Variants in MTMR10 observed in about 807,000 individuals in gnomAD.
MTMR10 encodes the protein myotubularin-related protein 10.
In MTMR10, 56 loss-of-function variants were observed where a neutral mutation model predicts 88.1. The observed-to-expected ratio is 0.64, with a 90% CI of 0.51 to 0.79. MTMR10 has a LOEUF of 0.79. Ranked by LOEUF, MTMR10 falls within the 30% of genes least tolerant of loss-of-function variation. MTMR10 has a pLI of 0.00. For missense variants in MTMR10, 883 were observed against 924.7 expected (o/e 0.95, Z 0.58); for synonymous variants, 380 against 340.9 (o/e 1.11, Z -1.26).
chr15:30,946,871 G>A (rs2063178911), intron 14 of MTMR10: 1 of 618,592 alleles, frequency 1.6e-6, no homozygotes, highest in Non-Finnish European at 2.9e-6. Context: ...GACATTTAAG[G>A]TGGTTAAAGT....
Position 30,941,222 on chromosome 15 carries a change from G to A in MTMR10, c.*248C>T, listed in dbSNP as rs772107849. 10 of 1,402,252 alleles carry A rather than the reference G, an allele frequency of 7.1e-6. No individual in the cohort carries two copies. The highest frequency in any genetic ancestry group is 5.7e-5 in the African/African-American group (4 of 69,880). The allele number at this position is 1,402,252 out of a possible 1,614,324, so 86.9% of individuals were successfully genotyped here. ...GAGACAAAAATGTAGCAGACAACAT[G>A]AACAGTTTGATCACGGTTACAAGAG... On this transcript the variant is annotated 3_prime_UTR_variant, in exon 16 of 16. Transcript: ENST00000435680.
intron 14 of MTMR10, among the ~76,000 whole-genome samples, chr15:30,945,817 C>A (rs571395919): frequency 6.6e-6 from 1 of 152,188 alleles, no homozygotes; most frequent in African/African-American, 2.4e-5. Flanking sequence ...GGGACAGACT[C>A]TGGCTCTATC....
the MTMR10 span, among the ~76,000 whole-genome samples, chr15:30,920,054 T>C: frequency 4.8e-3 from 731 of 152,370 alleles, 7 homozygotes; most frequent in African/African-American, 0.017. Flanking sequence ...ATATGGTTTC[T>C]GTGGCACCAA....
rs778253900 is a variant in MTMR10, at chr15:30,942,038, G to A, written c.1766C>T (p.Ser589Phe). Residue 589 changes from serine to phenylalanine, a missense_variant, in exon 16 of 16, where the codon TCT (serine) becomes TTT (phenylalanine). Transcript: ENST00000435680. ...SYSSTLRGMP[S>F]ALKNGIISDQ... The stretch of plus-strand genomic sequence containing the variant: ...ACTGATGATTCCATTCTTTAAGGCA[G>A]ACGGCATTCCTCTTAGTGTGGAGCT... 9 of 1,613,884 alleles carry A rather than the reference G, an allele frequency of 5.6e-6. No individual in the cohort carries two copies. In the Admixed American group the frequency reaches 1.5e-4, roughly 27 times the overall value.
chr15:30,945,009 TA>T lies in MTMR10; in HGVS notation c.1549-1938del, dbSNP rs77847532. 5.1e-3 allele frequency among the ~76,000 whole-genome samples: 705 copies of T among 137,152 alleles called. 1 individual carries two copies. Among genetic ancestry groups the T allele is most frequent in the East Asian group, 0.021 (99 of 4,810 alleles). 90.0% of individuals were successfully genotyped at this position (137,152 alleles called of 152,430 possible). On this transcript the variant is annotated intron_variant, in intron 14 of 15. Coordinates refer to ENST00000435680, the MANE Select transcript of MTMR10 (RefSeq NM_017762.3). ...CCTGGGTGACAGAGCCAAACTGTCT[TA>T]AAAAAAAAAAAAAAGATGTTCTCTT...
intron 3 of MTMR10, among the ~76,000 whole-genome samples, chr15:30,975,210 G>A (rs1254489846): frequency 3.9e-5 from 6 of 152,132 alleles, no homozygotes; most frequent in Non-Finnish European, 5.9e-5. Context: ...ACCTAAGATA[G>A]GGAATATCAT....
At chr15:30,990,587 C>T (rs990976880) in intron 2 of MTMR10, among the ~76,000 whole-genome samples, 190 bp downstream of exon 2, 1 of 152,108 alleles carries the variant, frequency 6.6e-6, no homozygotes. Context: ...AAAAGAAATT[C>T]GGGAGACAAA....
the MTMR10 span, among the ~76,000 whole-genome samples, chr15:30,929,947 A>G: frequency 8.2e-6 from 1 of 122,544 alleles, no homozygotes; most frequent in Non-Finnish European, 1.6e-5. Context: ...AATATATAAT[A>G]TAATATATAT....
chr15:30,927,707 G>A, the MTMR10 span: 23 of 985,510 alleles, frequency 2.3e-5, no homozygotes, highest in Non-Finnish European at 2.8e-5. Context: ...CAGTGGTCTT[G>A]TGGGGAGAGG....
chr15:30,983,196 T>C (rs1332170902), intron 2 of MTMR10, among the ~76,000 whole-genome samples: 1 of 152,114 alleles, frequency 6.6e-6, no homozygotes, highest in East Asian at 1.9e-4. Flanking sequence ...GGTGGGACCA[T>C]TTACAGCACC....
At chr15:30,927,567 G>A in the MTMR10 span, 2 of 985,532 alleles carry the variant, frequency 2.0e-6, no homozygotes, top group Non-Finnish European at 2.4e-6. Flanking sequence ...CAGCACCCCT[G>A]ATCCCACTCA....
rs1334692452 is a variant in MTMR10, at chr15:30,940,136, ACAGT to A, written c.*1330_*1333del. 16 of 985,346 alleles carry A rather than the reference ACAGT, an allele frequency of 1.6e-5. No homozygotes were observed. The highest frequency in any genetic ancestry group is 3.5e-5 in the African/African-American group (2 of 57,246). The allele number at this position is 985,346 out of a possible 1,614,324, so 61.0% of individuals were successfully genotyped here. A position where few individuals can be genotyped will look rare whatever the true frequency, so the allele number is the denominator to read the frequency against. On this transcript the variant is annotated 3_prime_UTR_variant, in exon 16 of 16. Coordinates refer to ENST00000435680, the MANE Select transcript of MTMR10 (RefSeq NM_017762.3). The stretch of plus-strand genomic sequence containing the variant: ...ATATCTTAGGATGGCAGTTTAAGAA[ACAGT>A]CAAATTTGAAAGTATCCATGTTTTA...
rs2029895134 is a variant in MTMR10 at position 30,973,748 on chromosome 15, C to T, written c.474+566G>A. On this transcript the variant is annotated intron_variant, in intron 5 of 15. Transcript: ENST00000435680. ...ATGGAAAACATGCCCTTGACTCTTA[C>T]AAGTAGGGTAATAAGTCATTATCTG... Among the ~76,000 whole-genome samples the T allele has an allele frequency of 2.0e-5, 3 of 152,090 alleles. No individual in the cohort carries two copies. The South Asian group carries it at 6.2e-4, about 32-fold the overall frequency.
At chr15:30,989,586 GT>G (rs35798908) in intron 2 of MTMR10, among the ~76,000 whole-genome samples, 73 of 143,384 alleles carry the variant, frequency 5.1e-4, no homozygotes, top group South Asian at 2.0e-3. Context: ...TTGATTTCAG[GT>G]TTTTTTTTTT....
chr15:30,919,111 T>G, the MTMR10 span, among the ~76,000 whole-genome samples: 2 of 152,324 alleles, frequency 1.3e-5, no homozygotes, highest in East Asian at 3.9e-4. Flanking sequence ...GCTGGTACGG[T>G]GGCTCACGCC....
intron 6 of MTMR10, 31 bp downstream of exon 6, chr15:30,967,889 T>C (rs2063490874): frequency 2.0e-6 from 3 of 1,488,928 alleles, no homozygotes; most frequent in Non-Finnish European, 2.7e-6. Flanking sequence ...CATGTAAAAT[T>C]AGTCACAATA....
chr15:30,939,742 A>C lies in MTMR10; in HGVS notation c.*1728T>G. ...AATAATAAAAAAGCAGCTAAATGAAAAAGGGAGAATTGTGATTACACTGTC... is the reference window on the plus strand; with the variant it reads ...AATAATAAAAAAGCAGCTAAATGAACAAGGGAGAATTGTGATTACACTGTC... On this transcript the variant is annotated 3_prime_UTR_variant, in exon 16 of 16. Transcript: ENST00000435680. The C allele has an allele frequency of 1.0e-6, 1 of 984,402 alleles. No homozygotes were observed. The highest frequency in any genetic ancestry group is 1.2e-6 in the Non-Finnish European group (1 of 828,982). 61.0% of individuals were successfully genotyped at this position (984,402 alleles called of 1,614,324 possible). A position where few individuals can be genotyped will look rare whatever the true frequency, so the allele number is the denominator to read the frequency against.
intron 2 of MTMR10, among the ~76,000 whole-genome samples, chr15:30,990,500 A>T (rs1413375046): frequency 1.3e-5 from 2 of 152,246 alleles, no homozygotes; most frequent in African/African-American, 4.8e-5. Flanking sequence ...ATGATTAATC[A>T]TTAATGCAAT....
chr15:30,947,156 G>A lies in MTMR10; in HGVS notation c.1522C>T (p.Pro508Ser). ...SLFGTFLFNSPHQRVKQSTEF... is the reference protein window; with the variant it reads ...SLFGTFLFNSSHQRVKQSTEF... Reference sequence around the variant, plus strand: ...GTGCTTTGCTTCACTCGCTGGTGAGGGGAGTTGAACAGGAAGGTGCCAAAC... The same window carrying A: ...GTGCTTTGCTTCACTCGCTGGTGAGAGGAGTTGAACAGGAAGGTGCCAAAC... The change falls in exon 14 of 16, where the codon CCT (proline) becomes TCT (serine). Residue 508 changes from proline (P) to serine (S), a missense_variant. Coordinates refer to ENST00000435680, the MANE Select transcript of MTMR10 (RefSeq NM_017762.3). The A allele has an allele frequency of 6.2e-7, 1 of 1,611,576 alleles. No homozygotes were observed. The highest frequency in any genetic ancestry group is 1.3e-5 in the African/African-American group (1 of 74,938).
Sources: gnomAD v4.1 joint callset for allele counts (sites outside exome capture counted in the v4.1 genomes callset) on GRCh38, gnomAD v4.1.1 for gene constraint, MANE v1.5 for transcripts, NCBI Gene and HGNC (gene_info 2026-07-23, HGNC 2026-07-21) for gene names.